SIM2: variants seen among roughly 807,000 people sequenced by gnomAD.
SIM2 encodes SIM bHLH transcription factor 2.
In SIM2, 28 loss-of-function variants were observed where a neutral mutation model predicts 64.8. That is an observed-to-expected ratio of 0.43 (90% CI 0.32 to 0.59). SIM2 has a LOEUF of 0.59. SIM2 is among the 20% of genes least tolerant of loss of function. The pLI is 0.07. For synonymous variants in SIM2, 408 were observed against 391.1 expected (o/e 1.04, Z -0.51); for missense variants, 847 against 871.4 (o/e 0.97, Z 0.35).
At chr21:36,719,062 G>A (rs1251667030) in intron 3 of SIM2, among the ~76,000 whole-genome samples, 2 of 152,162 alleles carry the variant, frequency 1.3e-5, no homozygotes, top group Non-Finnish European at 2.9e-5. Context: ...AGGTAGCGTC[G>A]GACTGTTGAG....
At chr21:36,720,156 G>A (rs552496088) in intron 4 of SIM2, 21 of 543,908 alleles carry the variant, frequency 3.9e-5, no homozygotes, top group East Asian at 1.2e-4. Context: ...GCCAGAACCC[G>A]TGTTGAGTGC....
chr21:36,723,311 G>A (rs1194970965), intron 5 of SIM2, among the ~76,000 whole-genome samples, 181 bp downstream of exon 5: 1 of 152,174 alleles, frequency 6.6e-6, no homozygotes, highest in East Asian at 1.9e-4. Context: ...GTTTTAGGAG[G>A]ATGTTCCAGC....
intron 3 of SIM2, among the ~76,000 whole-genome samples, chr21:36,719,280 G>A (rs908460129): frequency 1.3e-5 from 2 of 152,250 alleles, no homozygotes; most frequent in African/African-American, 2.4e-5. Flanking sequence ...CAGAGTCGAC[G>A]AAGAAAGGGC....
intron 4 of SIM2, 79 bp from the exon 5 acceptor site, chr21:36,722,965 GA>G (rs2088843300): frequency 9.2e-7 from 1 of 1,090,862 alleles, no homozygotes; most frequent in African/African-American, 1.5e-5. Flanking sequence ...CTGGCCCTGG[GA>G]ACACATTGGT....
intron 2 of SIM2, chr21:36,709,504 G>A (rs2088644945): frequency 1.5e-6 from 1 of 649,524 alleles, no homozygotes; most frequent in African/African-American, 1.8e-5. Context: ...CAGGCCACCT[G>A]AGACCTACGC....
intron 1 of SIM2, among the ~76,000 whole-genome samples, chr21:36,707,658 G>A (rs1441508668): frequency 6.6e-6 from 1 of 151,906 alleles, no homozygotes; most frequent in African/African-American, 2.4e-5. Context: ...CGCTGCCCTG[G>A]GCCGAGGTGC....
chr21:36,735,649 C>T (rs768953667), intron 7 of SIM2, among the ~76,000 whole-genome samples: 7 of 152,132 alleles, frequency 4.6e-5, no homozygotes, highest in East Asian at 1.9e-4. Flanking sequence ...CAGGTCTGGA[C>T]GATGCTTTTG....
At chr21:36,727,766 A>G (rs922230840) in intron 6 of SIM2, among the ~76,000 whole-genome samples, 1 of 152,168 alleles carries the variant, frequency 6.6e-6, no homozygotes, top group African/African-American at 2.4e-5. Flanking sequence ...GCCAGGATTT[A>G]CTGTTTTCTT....
At position 36,723,030 on chromosome 21, in the gene SIM2, T is replaced by G. The variant is rs1392586542; in HGVS notation, c.458-15T>G. On this transcript the variant is annotated splice_polypyrimidine_tract_variant and intron_variant, in intron 4 of 10. Transcript: ENST00000290399. ...GGAGGGACAGCTGCCAACCTCATCTTGCTCCTGCTTGCAGAGTATGAGATA... is the reference window on the plus strand; with the variant it reads ...GGAGGGACAGCTGCCAACCTCATCTGGCTCCTGCTTGCAGAGTATGAGATA... The G allele has an allele frequency of 6.2e-7, 1 of 1,611,070 alleles. No individual in the cohort carries two copies. The highest frequency in any genetic ancestry group is 1.3e-5 in the African/African-American group (1 of 74,870).
chr21:36,723,908 C>T (rs542328549), intron 5 of SIM2, among the ~76,000 whole-genome samples: 2 of 152,308 alleles, frequency 1.3e-5, no homozygotes, highest in Admixed American at 6.5e-5. Flanking sequence ...CACTTTTGTC[C>T]CCTCTCTGGG....
At position 36,736,428 on chromosome 21, in the gene SIM2, A is replaced by C. The variant is rs118177399; in HGVS notation, c.850+5277A>C. Among the ~76,000 whole-genome samples the C allele has an allele frequency of 1.3e-3, 201 of 152,332 alleles. 7 individuals are homozygous for C. The East Asian group carries it at 0.027, about 20-fold the overall frequency. On this transcript the variant is annotated intron_variant, in intron 7 of 10. Transcript: ENST00000290399. ...AGGGCCAGACAGCCCGATGGTTTGC[A>C]CACGTTCTTCAGAATATTATCTTCA...
At chr21:36,723,153 G>A (rs747224976) in intron 5 of SIM2, 23 bp downstream of exon 5, 1 of 1,596,512 alleles carries the variant, frequency 6.3e-7, no homozygotes, top group Non-Finnish European at 8.6e-7. Context: ...ATGGGTGCGG[G>A]GAGGAGCTGG....
rs1310770138 is a variant in SIM2 at position 36,699,580 on chromosome 21, G to A, written c.-167G>A. On this transcript the variant is annotated 5_prime_UTR_variant, in exon 1 of 11. Transcript: ENST00000290399. This position sits in a 1 kb window ranked among gnomAD's most constrained non-coding sequence, Gnocchi z 5.6. ...TCGGAGCTCAGGCCCGGCGGCTGCG[G>A]GGAGGCGTCTCGGAACCCCGGGAGG... The A allele has an allele frequency of 4.9e-5, 29 of 591,864 alleles. No individual in the cohort carries two copies. The allele number at this position is 591,864 out of a possible 1,614,324, so 36.7% of individuals were successfully genotyped here.
intron 7 of SIM2, among the ~76,000 whole-genome samples, chr21:36,737,801 C>T (rs2089086085): frequency 6.6e-6 from 1 of 151,180 alleles, no homozygotes. Context: ...CTCTACTAAA[C>T]AATACAAAAC....
At chr21:36,743,271 C>A (rs187492900) in intron 8 of SIM2, 116 bp from the exon 9 acceptor site, 3 of 861,952 alleles carry the variant, frequency 3.5e-6, no homozygotes, top group Non-Finnish European at 5.5e-6. Context: ...CACATCCAAT[C>A]CCAGTGAAAA....
At chr21:36,725,116 TG>T (rs149629239) in intron 5 of SIM2, among the ~76,000 whole-genome samples, 1,896 of 152,220 alleles carry the variant, frequency 0.012, 26 homozygotes, top group South Asian at 0.037. Flanking sequence ...AAGGCTAATG[TG>T]GGAGGATTGC....
At chr21:36,714,126 A>G (rs568515304) in intron 3 of SIM2, among the ~76,000 whole-genome samples, 1 of 152,340 alleles carries the variant, frequency 6.6e-6, no homozygotes, top group Admixed American at 6.5e-5. Flanking sequence ...TACTATTATT[A>G]TTCTCTGAAT....
At chr21:36,706,391 C>T (rs1173404455) in intron 1 of SIM2, among the ~76,000 whole-genome samples, 8 of 152,116 alleles carry the variant, frequency 5.3e-5, no homozygotes, top group Admixed American at 5.2e-4. Flanking sequence ...CTTCCTCACC[C>T]CCACCCCTCC....
intron 1 of SIM2, among the ~76,000 whole-genome samples, chr21:36,704,751 C>T (rs961697445): frequency 1.3e-5 from 2 of 152,236 alleles, no homozygotes; most frequent in African/African-American, 4.8e-5. Context: ...ACGTAGGATA[C>T]CCGCGGGCGA....
Sources: allele counts gnomAD v4.1 joint callset (sites outside exome capture counted in the v4.1 genomes callset), GRCh38; gene constraint gnomAD v4.1.1; non-coding constraint Gnocchi (gnomAD v3.1); transcripts MANE v1.5; gene names NCBI Gene and HGNC (gene_info 2026-07-23, HGNC 2026-07-21).